Variants in TSPAN10 observed in about 807,000 individuals in gnomAD.
The protein encoded by TSPAN10 is tetraspanin 10.
In TSPAN10, 11 loss-of-function variants were observed where a neutral mutation model predicts 15.0. The observed-to-expected ratio is 0.73, with a 90% CI of 0.46 to 1.21. The LOEUF (loss-of-function observed/expected upper bound fraction) is 1.21, where lower values mean the gene tolerates loss of function less well. TSPAN10 is among the 50% of genes most tolerant of loss of function. The pLI is 0.00. For synonymous variants in TSPAN10, 241 were observed against 226.2 expected (o/e 1.07, Z -0.59); for missense variants, 486 against 470.6 (o/e 1.03, Z -0.30).
Position 81,645,221 on chromosome 17 carries a change from T to C in TSPAN10, c.266T>C (p.Leu89Pro), listed in dbSNP as rs562817221. ...TTCCTCTCCAACTTCCCCTTCTCCC[T>C]GCTGGGGCTGCTGGCCCTGGCCATC... The change falls in exon 2 of 3, where the codon CTG becomes CCG. Residue 89 changes from leucine to proline, a missense_variant. Physicochemically the swap from Leu to Pro is moderately conservative, Grantham distance 98. Coordinates refer to ENST00000611590, the Ensembl canonical transcript of TSPAN10. The C allele has an allele frequency of 1.9e-6, 3 of 1,540,690 alleles. No individual in the cohort carries two copies. The South Asian group carries it at 3.9e-5, about 20-fold the overall frequency.
exon 3 of TSPAN10, chr17:81,648,293 G>T: frequency 8.3e-7 from 1 of 1,208,038 alleles, no homozygotes; most frequent in South Asian, 4.1e-5. Flanking sequence ...GCCCGGGGCT[G>T]AGCGCACGCC....
chr17:81,638,209 A>G (rs2036135190), upstream of TSPAN10: 1 of 152,210 alleles, frequency 6.6e-6, no homozygotes, highest in Non-Finnish European at 1.5e-5. Context: ...TAATTCACAC[A>G]GAGCCAGCTT....
chr17:81,639,714 C>G (rs1229931245), upstream of TSPAN10, among the ~76,000 whole-genome samples: 1 of 150,876 alleles, frequency 6.6e-6, no homozygotes, highest in African/African-American at 2.4e-5. Context: ...CGCGGTGGCT[C>G]ACGCCTGTCA....
At chr17:81,640,619 T>C (rs1161543394), upstream of TSPAN10, among the ~76,000 whole-genome samples, 1 of 152,028 alleles carries the variant, frequency 6.6e-6, no homozygotes, top group Non-Finnish European at 1.5e-5. Context: ...CAGCTAATTT[T>C]TTGTACTTTT....
upstream of TSPAN10, among the ~76,000 whole-genome samples, chr17:81,641,294 T>C (rs1016106599): frequency 6.6e-6 from 1 of 151,456 alleles, no homozygotes; most frequent in African/African-American, 2.4e-5. Flanking sequence ...TTTGGGGAGG[T>C]GAAGGGAAGC....
At chr17:81,640,104 T>G (rs1322923050), upstream of TSPAN10, among the ~76,000 whole-genome samples, 1 of 152,066 alleles carries the variant, frequency 6.6e-6, no homozygotes, top group Non-Finnish European at 1.5e-5. Context: ...CACCTCAGCC[T>G]CCTCAGTAGC....
At chr17:81,639,534 C>T (rs1369017774), upstream of TSPAN10, among the ~76,000 whole-genome samples, 1 of 151,964 alleles carries the variant, frequency 6.6e-6, no homozygotes, top group Admixed American at 6.6e-5. Context: ...GTCCTGGAAG[C>T]TAGAATCCCA....
exon 2 of TSPAN10, chr17:81,645,270 G>C (rs1424640914): frequency 2.0e-6 from 3 of 1,532,404 alleles, no homozygotes; most frequent in Middle Eastern, 1.8e-4. Flanking sequence ...TGGCTGTCAA[G>C]GGGTCTCTGG....
chr17:81,643,653 A>G (rs1009163166), intron 1 of TSPAN10, among the ~76,000 whole-genome samples: 2 of 150,222 alleles, frequency 1.3e-5, no homozygotes, highest in African/African-American at 4.9e-5. Context: ...ACATGGTTGC[A>G]GTGCCTGTAG....
At chr17:81,639,371 C>T (rs1024480663), upstream of TSPAN10, among the ~76,000 whole-genome samples, 20 of 151,810 alleles carry the variant, frequency 1.3e-4, no homozygotes, top group African/African-American at 4.8e-4. Context: ...CCACGCCCGG[C>T]TAATTTTTAT....
intron 1 of TSPAN10, among the ~76,000 whole-genome samples, chr17:81,643,166 A>T (rs1459166762): frequency 6.7e-6 from 1 of 150,368 alleles, no homozygotes; most frequent in Non-Finnish European, 1.5e-5. Context: ...CACCACACCC[A>T]GCTAATTTTT....
Position 81,645,635 on chromosome 17 carries a change from T to A in TSPAN10, c.674+6T>A. On this transcript the variant is annotated splice_donor_region_variant and intron_variant, in intron 2 of 2. Transcript: ENST00000611590. ...CAGGACTGGCAGCAGAACCTGTGAG[T>A]CTTGGAGTGGGCGAGGGACAGGGCC... 6.2e-7 allele frequency: 1 copy of A among 1,611,384 alleles called. No individual in the cohort carries two copies.
intron 2 of TSPAN10, 128 bp from the exon 4 acceptor site, chr17:81,647,773 T>C (rs986605571): frequency 3.1e-6 from 3 of 958,318 alleles, no homozygotes; most frequent in African/African-American, 1.6e-5. Flanking sequence ...GGAGGGCGTA[T>C]GCACGTGTGT....
At chr17:81,646,112 CT>C (rs2036249529) in intron 2 of TSPAN10, 1 of 241,000 alleles carries the variant, frequency 4.1e-6, no homozygotes, top group Non-Finnish European at 8.0e-6. Flanking sequence ...CATTTTTCTG[CT>C]GGGCACGATG....
upstream of TSPAN10, chr17:81,637,708 T>G (rs1023848990): frequency 8.7e-6 from 2 of 231,050 alleles, no homozygotes; most frequent in African/African-American, 2.3e-5. Context: ...CCGAGGCAGG[T>G]GGATCACCTG....
intron 2 of TSPAN10, 98 bp downstream of exon 3, chr17:81,645,727 A>C: frequency 3.2e-4 from 458 of 1,437,274 alleles, no homozygotes; most frequent in Middle Eastern, 6.1e-4. Flanking sequence ...GTACATACTC[A>C]TTCGTGCATG....
intron 1 of TSPAN10, among the ~76,000 whole-genome samples, chr17:81,643,436 C>T (rs1399994985): frequency 1.1e-5 from 1 of 90,974 alleles, no homozygotes; most frequent in Non-Finnish European, 2.0e-5. Context: ...ACGGTGAAAC[C>T]CTGTCTCTAC....
At chr17:81,637,489 AAAAC>A (rs2036119529), upstream of TSPAN10, 4 of 679,574 alleles carry the variant, frequency 5.9e-6, no homozygotes, top group South Asian at 1.6e-5. Context: ...TAACATAAGA[AAAAC>A]AAACGAGTTT....
At chr17:81,644,374 G>A (rs2036214859) in intron 1 of TSPAN10, among the ~76,000 whole-genome samples, 1 of 42,548 alleles carries the variant, frequency 2.4e-5, no homozygotes, top group African/African-American at 1.7e-4. Context: ...TCCTGTCCTC[G>A]GCAGCAGGGT....
Sources: gnomAD v4.1 joint callset for allele counts (sites outside exome capture counted in the v4.1 genomes callset) on GRCh38, gnomAD v4.1.1 for gene constraint, MANE v1.5 for transcripts, NCBI Gene and HGNC (gene_info 2026-07-23, HGNC 2026-07-21) for gene names.